Variants in SLC23A1 observed in about 807,000 individuals in gnomAD.
The protein encoded by SLC23A1 is solute carrier family 23 member 1.
SLC23A1 carries 31 observed loss-of-function variants against 62.5 expected under a neutral mutation model. That is an observed-to-expected ratio of 0.50 (90% confidence interval 0.37 to 0.67). The LOEUF (loss-of-function observed/expected upper bound fraction) is 0.67. Among genes scored for constraint, SLC23A1 ranks in the 30% least tolerant of loss-of-function variants. SLC23A1 has a pLI of 0.00. For missense variants in SLC23A1, 640 were observed against 782.7 expected, an observed-to-expected ratio of 0.82 and a Z score of 2.18; for synonymous variants, 271 against 313.2, an observed-to-expected ratio of 0.87 and a Z score of 1.42.
chr5:139,383,393 G>A (rs889317579), upstream of SLC23A1: 11 of 1,467,156 alleles, frequency 7.5e-6, no homozygotes, highest in African/African-American at 5.7e-5. Context: ...GATTGCGAAA[G>A]GGGGGCCCGG....
intron 14 of SLC23A1, chr5:139,369,150 T>C (rs890589175): frequency 1.2e-5 from 2 of 168,608 alleles, no homozygotes; most frequent in Non-Finnish European, 2.5e-5. Flanking sequence ...AATCAGTACA[T>C]TTAATTTGAG....
At chr5:139,384,351 C>T (rs1275799158), upstream of SLC23A1, 1 of 1,283,164 alleles carries the variant, frequency 7.8e-7, no homozygotes, top group Admixed American at 2.3e-5. Context: ...CTCTAGAGCC[C>T]ACCTACTTCT....
Position 139,380,014 on chromosome 5 carries a change from A to C in SLC23A1, c.710T>G (p.Val237Gly). The C allele has an allele frequency of 6.2e-7, 1 of 1,614,130 alleles. No individual in the cohort carries two copies. Among genetic ancestry groups the C allele is most frequent in the Non-Finnish European group, 8.5e-7 (1 of 1,180,008 alleles). Reference protein sequence around the residue: ...YLRNLTFLLPVYRWGKGLTLL... With the variant: ...YLRNLTFLLPGYRWGKGLTLL... ...AGTGAGGCCCTTGCCCCAGCGGTAG[A>C]CAGGCAGCAGGAAGGTGAGGTTGCG... The change falls in exon 7 of 15, where the codon GTC becomes GGC. Residue 237 changes from valine to glycine, a missense_variant. By Grantham distance (109) the Val-to-Gly change is moderately radical. Transcript: ENST00000348729.
In SLC23A1 at chr5:139,378,463, C is replaced by A. The variant is rs555264928; in HGVS notation, c.1180-112G>T. ...GGCATAAACCGGCTGGGGCTTGATGCGGGGGCGAGGCCTCTCAAAGACAGG... is the reference window on the plus strand; with the variant it reads ...GGCATAAACCGGCTGGGGCTTGATGAGGGGGCGAGGCCTCTCAAAGACAGG... On this transcript the variant is annotated intron_variant, in intron 10 of 14. Coordinates refer to ENST00000348729, the MANE Select transcript of SLC23A1 (RefSeq NM_005847.5). This position sits in a 1 kb window ranked among gnomAD's most constrained non-coding sequence, Gnocchi z 4.5. 20 of 1,447,332 alleles carry A rather than the reference C, an allele frequency of 1.4e-5. No individual in the cohort carries two copies. The highest frequency in any genetic ancestry group is 9.4e-7 in the Non-Finnish European group (1 of 1,061,776). The allele number at this position is 1,447,332 out of a possible 1,614,324, so 89.7% of individuals were successfully genotyped here. A position where few individuals can be genotyped will look rare whatever the true frequency, so the allele number is the denominator to read the frequency against.
rs985177949 is a variant in SLC23A1 at position 139,381,894 on chromosome 5, G to A, written c.306C>T (p.Ile102=). Reference sequence around the variant, plus strand: ...GGTTGGGGGGCTGGGCGGCTCACCGGATGCCCACGGTGGTCTGGATGAGAG... The same window carrying A: ...GGTTGGGGGGCTGGGCGGCTCACCGAATGCCCACGGTGGTCTGGATGAGAG... ...ITTLIQTTVG[I]RLPLFQASAF... The change falls in exon 3 of 15, where the codon ATC becomes ATT. Residue 102 remains isoleucine, a splice_region_variant and synonymous_variant. Coordinates refer to ENST00000348729, the MANE Select transcript of SLC23A1 (RefSeq NM_005847.5). 1.5e-5 allele frequency: 24 copies of A among 1,555,514 alleles called. No homozygotes were observed. The highest frequency in any genetic ancestry group is 2.0e-5 in the Non-Finnish European group (23 of 1,150,378).
intron 13 of SLC23A1, among the ~76,000 whole-genome samples, chr5:139,375,359 ATGT>A (rs1272089103): frequency 2.6e-5 from 4 of 152,294 alleles, no homozygotes; most frequent in Admixed American, 1.3e-4. Context: ...CGTCAGATGG[ATGT>A]TGTTAAAAAT....
intron 14 of SLC23A1, chr5:139,368,624 G>T (rs1187557537): frequency 2.7e-6 from 2 of 749,906 alleles, no homozygotes; most frequent in Non-Finnish European, 2.3e-6. Context: ...TACAGACTGA[G>T]TTCTTTTGTC....
chr5:139,380,780 C>A lies in SLC23A1; in HGVS notation c.397+18G>T. On this transcript the variant is annotated intron_variant, in intron 4 of 14. Coordinates refer to ENST00000348729, the MANE Select transcript of SLC23A1 (RefSeq NM_005847.5). ...GGCCTCCCCTTTTCCCCAGTGCAGA[C>A]CCCAGAAGTGTACCCACCTTCCGGG... is the stretch of plus-strand genomic sequence containing the variant. 1.3e-6 allele frequency: 2 copies of A among 1,537,846 alleles called. No individual in the cohort carries two copies. Among genetic ancestry groups the A allele is most frequent in the Non-Finnish European group, 8.9e-7 (1 of 1,125,048 alleles).
upstream of SLC23A1, among the ~76,000 whole-genome samples, chr5:139,383,805 T>A (rs977511462): frequency 6.6e-6 from 1 of 152,222 alleles, no homozygotes; most frequent in African/African-American, 2.4e-5. Context: ...TCAGTAGATG[T>A]GATTTGACCC....
intron 2 of SLC23A1, 184 bp from the exon 3 acceptor site, chr5:139,382,233 A>C: frequency 3.2e-6 from 2 of 623,824 alleles, no homozygotes; most frequent in South Asian, 4.0e-5. Flanking sequence ...ACTAATTTCC[A>C]CTCAAGATAT....
chr5:139,378,058 T>A lies in SLC23A1; in HGVS notation c.1370A>T (p.Asn457Ile). ...LQFVDMNSSR[N>I]LFVLGFSMFF... Reference sequence around the variant, plus strand: ...CATGGAAAATCCCAGCACGAAGAGGTTGCGAGAGGAGTTCATGTCCACAAA... The same window carrying A: ...CATGGAAAATCCCAGCACGAAGAGGATGCGAGAGGAGTTCATGTCCACAAA... Residue 457 changes from asparagine to isoleucine, a missense_variant, in exon 12 of 15, where the codon AAC becomes ATC. Asn to Ile is a moderately radical substitution (Grantham distance 149, BLOSUM62 -3). Transcript: ENST00000348729. This position sits in a 1 kb window ranked among gnomAD's most constrained non-coding sequence, Gnocchi z 4.5. 6.2e-7 allele frequency: 1 copy of A among 1,613,984 alleles called. No homozygotes were observed. Among genetic ancestry groups the A allele is most frequent in the Non-Finnish European group, 8.5e-7 (1 of 1,179,970 alleles).
chr5:139,368,211 G>A (rs1453153952), intron 14 of SLC23A1, among the ~76,000 whole-genome samples: 5 of 152,300 alleles, frequency 3.3e-5, no homozygotes, highest in South Asian at 2.1e-4. Context: ...GGCGGTGGGC[G>A]CCTGTAGTCC....
chr5:139,382,438 TGGAGTCCCCGG>T (rs1758317837), intron 2 of SLC23A1, 43 bp downstream of exon 2: 1 of 1,028,610 alleles, frequency 9.7e-7, no homozygotes, highest in Admixed American at 1.9e-5. Context: ...AGGGAGGGGC[TGGAGTCCCCGG>T]GGAGTGTGCA....
intron 14 of SLC23A1, among the ~76,000 whole-genome samples, chr5:139,370,761 T>C (rs1246771331): frequency 6.6e-6 from 1 of 151,904 alleles, no homozygotes; most frequent in East Asian, 1.9e-4. Flanking sequence ...GATTCTTGAA[T>C]GTGGCTTTTG....
chr5:139,385,456 A>C (rs1758476902), upstream of SLC23A1, among the ~76,000 whole-genome samples: 1 of 152,118 alleles, frequency 6.6e-6, no homozygotes. Flanking sequence ...GTGGAAAATG[A>C]ACAGCCATTG....
At chr5:139,382,436 G>A (rs1758317693) in intron 2 of SLC23A1, 56 bp downstream of exon 2, 1 of 1,005,900 alleles carries the variant, frequency 9.9e-7, no homozygotes, top group Admixed American at 1.9e-5. Context: ...CCAGGGAGGG[G>A]CTGGAGTCCC....
In SLC23A1 at chr5:139,378,188, G is replaced by A. The variant is rs771309712; in HGVS notation, c.1309+34C>T. 2 of 1,612,430 alleles carry A rather than the reference G, an allele frequency of 1.2e-6. No individual in the cohort carries two copies. The highest frequency in any genetic ancestry group is 1.7e-5 in the Admixed American group (1 of 59,862). On this transcript the variant is annotated intron_variant, in intron 11 of 14. Transcript: ENST00000348729. The surrounding 1 kb of genome is among the most constrained non-coding windows in gnomAD (Gnocchi z 4.5). Reference sequence around the variant, plus strand: ...CCAGGTGAGTCCCACTCGGCGACCCGCACCGCGACCCGTGGCCCGCGCCAG... The same window carrying A: ...CCAGGTGAGTCCCACTCGGCGACCCACACCGCGACCCGTGGCCCGCGCCAG...
chr5:139,382,914 G>A (rs1351744237), intron 1 of SLC23A1, among the ~76,000 whole-genome samples: 4 of 152,200 alleles, frequency 2.6e-5, no homozygotes, highest in African/African-American at 7.2e-5. Context: ...GGGCCAAGAG[G>A]GCTCAAGACT....
In SLC23A1 at chr5:139,378,493, G is replaced by A. The variant is rs981614442; in HGVS notation, c.1179+86C>T. 1 of 1,437,826 alleles carries A rather than the reference G, an allele frequency of 7.0e-7. No individual in the cohort carries two copies. The highest frequency in any genetic ancestry group is 9.6e-7 in the Non-Finnish European group (1 of 1,047,082). 89.1% of individuals were successfully genotyped at this position (1,437,826 alleles called of 1,614,324 possible). ...GCGAGGCCTCTCAAAGACAGGGTGG[G>A]GCTAAACCAAAGTGGGGACCGAGTT... is the stretch of plus-strand genomic sequence containing the variant. On this transcript the variant is annotated intron_variant, in intron 10 of 14. Coordinates refer to ENST00000348729, the MANE Select transcript of SLC23A1 (RefSeq NM_005847.5). This position sits in a 1 kb window ranked among gnomAD's most constrained non-coding sequence, Gnocchi z 4.5.
Sources: gnomAD v4.1 joint callset for allele counts (sites outside exome capture counted in the v4.1 genomes callset) on GRCh38, gnomAD v4.1.1 for gene constraint, Gnocchi (gnomAD v3.1) non-coding constraint, MANE v1.5 for transcripts, NCBI Gene and HGNC (gene_info 2026-07-23, HGNC 2026-07-21) for gene names.